The following FBXW11 variants were observed in gnomAD, a reference collection of about 807,000 sequenced individuals.
FBXW11 encodes F-box/WD repeat-containing protein 11.
Under a neutral mutation model 77.6 loss-of-function variants are expected in FBXW11, and 19 were observed. The observed-to-expected ratio is 0.24, with a 90% CI of 0.17 to 0.36. FBXW11 has a LOEUF of 0.36. Ranked by LOEUF, FBXW11 falls within the 10% of genes least tolerant of loss-of-function variation. The pLI, the probability that FBXW11 is intolerant of heterozygous loss-of-function variation, is 1.00. For missense variants in FBXW11, 334 were observed against 704.2 expected, an observed-to-expected ratio of 0.47 and a Z score of 5.95; for synonymous variants, 235 against 249.4, an observed-to-expected ratio of 0.94 and a Z score of 0.54.
At chr5:171,951,377 A>C (rs969148370) in intron 2 of FBXW11, among the ~76,000 whole-genome samples, 4 of 152,032 alleles carry the variant, frequency 2.6e-5, no homozygotes, top group Non-Finnish European at 4.4e-5. Flanking sequence ...CTGTACAAAA[A>C]ACTGAAAAAT....
At chr5:172,002,744 C>A (rs560853452) in intron 1 of FBXW11, among the ~76,000 whole-genome samples, 177 of 128,234 alleles carry the variant, frequency 1.4e-3, no homozygotes, top group African/African-American at 5.3e-3. Flanking sequence ...GTTACCCAGG[C>A]TGGAGTGCAG....
At chr5:171,992,604 C>A (rs1765810164) in intron 1 of FBXW11, among the ~76,000 whole-genome samples, 1 of 152,108 alleles carries the variant, frequency 6.6e-6, no homozygotes, top group African/African-American at 2.4e-5. Context: ...GACATATGAT[C>A]TCAGGTTCTG....
intron 6 of FBXW11, among the ~76,000 whole-genome samples, chr5:171,892,533 CG>C (rs796071760): frequency 3.6e-4 from 55 of 152,186 alleles, no homozygotes; most frequent in African/African-American, 1.3e-3. Context: ...GCACACAGAA[CG>C]TAAGAAGATC....
intron 1 of FBXW11, among the ~76,000 whole-genome samples, chr5:171,965,737 TTTTG>T (rs1201747005): frequency 1.3e-5 from 2 of 152,150 alleles, no homozygotes; most frequent in African/African-American, 2.4e-5. Flanking sequence ...TGATGACTTA[TTTTG>T]TTTAATTATA....
Position 171,957,668 on chromosome 5 carries a change from A to G in FBXW11, c.76T>C (p.Cys26Arg), listed in dbSNP as rs746696503. 1 of 1,614,162 alleles carries G rather than the reference A, an allele frequency of 6.2e-7. No homozygotes were observed. The highest frequency in any genetic ancestry group is 1.1e-5 in the South Asian group (1 of 91,092). Residue 26 changes from cysteine to arginine, a missense_variant, in exon 2 of 14, where the codon TGC becomes CGC. By Grantham distance (180) the Cys-to-Arg change is radical. Coordinates refer to ENST00000517395, the MANE Select transcript of FBXW11 (RefSeq NM_001378974.1). ...CSVPRSLWLG[C>R]ANLVESMCAL... ...CACATGCTCTCTACCAGGTTGGCGCAGCCTAGCCACAAAGACCTTGGCACA... is the reference window on the plus strand; with the variant it reads ...CACATGCTCTCTACCAGGTTGGCGCGGCCTAGCCACAAAGACCTTGGCACA...
chr5:171,945,678 T>C (rs1046762160), intron 2 of FBXW11, among the ~76,000 whole-genome samples: 4 of 152,218 alleles, frequency 2.6e-5, no homozygotes, highest in Admixed American at 6.5e-5. Flanking sequence ...TATTTCACTA[T>C]TGCAAGTAGA....
chr5:171,952,560 C>G (rs1327446298), intron 2 of FBXW11, among the ~76,000 whole-genome samples: 1 of 143,756 alleles, frequency 7.0e-6, no homozygotes, highest in East Asian at 2.1e-4. Flanking sequence ...TCAAGCAATT[C>G]TCCTGCCTCA....
At chr5:171,898,960 A>G (rs2113876486) in intron 6 of FBXW11, 44 bp downstream of exon 6, 1 of 1,278,912 alleles carries the variant, frequency 7.8e-7, no homozygotes, top group East Asian at 2.3e-5. Context: ...AAAGTTGAGA[A>G]CAAGAAACAA....
intron 13 of FBXW11, among the ~76,000 whole-genome samples, 188 bp downstream of exon 13, chr5:171,868,422 G>T (rs1378293140): frequency 2.6e-5 from 4 of 152,066 alleles, no homozygotes. Flanking sequence ...ACAATAGGCA[G>T]GATTCCAACT....
intron 1 of FBXW11, among the ~76,000 whole-genome samples, chr5:171,980,942 G>C (rs1011254969): frequency 6.6e-6 from 1 of 152,128 alleles, no homozygotes; most frequent in Non-Finnish European, 1.5e-5. Context: ...CCATACTAGA[G>C]TTTATGCTAA....
At chr5:171,991,065 A>T (rs1765708907) in intron 1 of FBXW11, among the ~76,000 whole-genome samples, 1 of 152,146 alleles carries the variant, frequency 6.6e-6, no homozygotes, top group Non-Finnish European at 1.5e-5. Flanking sequence ...ACCTCAGGTG[A>T]TCCACCTGCC....
intron 4 of FBXW11, among the ~76,000 whole-genome samples, chr5:171,902,269 T>A (rs917967366): frequency 2.0e-5 from 3 of 152,252 alleles, no homozygotes; most frequent in African/African-American, 7.2e-5. Flanking sequence ...GCTGCTTTCA[T>A]GTTCCCGTGC....
At position 171,957,607 on chromosome 5, in the gene FBXW11, C is replaced by G; in HGVS notation, c.137G>C (p.Arg46Thr). The G allele has an allele frequency of 6.2e-7, 1 of 1,614,066 alleles. No individual in the cohort carries two copies. Among genetic ancestry groups the G allele is most frequent in the Non-Finnish European group, 8.5e-7 (1 of 1,179,896 alleles). ...LSCLQSMPSV[R>T]CLQNTSVMED... is the part of the protein sequence containing the mutation. ...AAAGAAGAGAGGCACCTGGAGACAT[C>G]TGACACTGGGCATGCTCTGCAGGCA... is the stretch of plus-strand genomic sequence containing the variant. Residue 46 changes from arginine to threonine, a missense_variant, in exon 2 of 14, where the codon AGA becomes ACA. Physicochemically the swap from Arg to Thr is moderately conservative, Grantham distance 71. Coordinates refer to ENST00000517395, the MANE Select transcript of FBXW11 (RefSeq NM_001378974.1).
At chr5:171,888,285 A>T (rs1759052397) in intron 7 of FBXW11, among the ~76,000 whole-genome samples, 1 of 152,234 alleles carries the variant, frequency 6.6e-6, no homozygotes, top group African/African-American at 2.4e-5. Flanking sequence ...AACTGGAAAT[A>T]AAAGAACCCA....
intron 2 of FBXW11, among the ~76,000 whole-genome samples, chr5:171,952,880 T>A (rs1329028091): frequency 1.3e-5 from 2 of 152,160 alleles, no homozygotes; most frequent in African/African-American, 2.4e-5. Flanking sequence ...TTTTTTTTTT[T>A]AGCTCATCAG....
chr5:171,960,994 T>C (rs1409569171), intron 1 of FBXW11, among the ~76,000 whole-genome samples: 1 of 152,220 alleles, frequency 6.6e-6, no homozygotes, highest in African/African-American at 2.4e-5. Flanking sequence ...TAAAGAATGA[T>C]GCCAGTATTT....
chr5:171,947,719 C>A (rs1051866643), intron 2 of FBXW11, among the ~76,000 whole-genome samples: 1 of 151,928 alleles, frequency 6.6e-6, no homozygotes, highest in Non-Finnish European at 1.5e-5. Context: ...AAAAATGTAC[C>A]AGCCTGGGGA....
rs138602685 is a variant in FBXW11, at chr5:171,947,742, G to T, written c.147+9855C>A. 5.8e-4 allele frequency among the ~76,000 whole-genome samples: 88 copies of T among 151,808 alleles called. No individual in the cohort carries two copies. In the East Asian group the frequency reaches 0.016, roughly 27 times the overall value. On this transcript the variant is annotated intron_variant, in intron 2 of 13. Coordinates refer to ENST00000517395, the MANE Select transcript of FBXW11 (RefSeq NM_001378974.1). ...ACCAGCCTGGGGAACATAGGGAGACGCCATCTCTACAAAAAATTTAAAAAT... is the reference window on the plus strand; with the variant it reads ...ACCAGCCTGGGGAACATAGGGAGACTCCATCTCTACAAAAAATTTAAAAAT...
chr5:171,894,035 C>T (rs1315317043), intron 6 of FBXW11, among the ~76,000 whole-genome samples: 1 of 151,902 alleles, frequency 6.6e-6, no homozygotes, highest in Non-Finnish European at 1.5e-5. Flanking sequence ...CTCTCCGCTG[C>T]TCTAAAATGT....
Sources: allele counts gnomAD v4.1 joint callset (sites outside exome capture counted in the v4.1 genomes callset), GRCh38; gene constraint gnomAD v4.1.1; transcripts MANE v1.5; gene names NCBI Gene and HGNC (gene_info 2026-07-23, HGNC 2026-07-21).